ACSL3: variants seen among roughly 807,000 people sequenced by gnomAD.
ACSL3 encodes acyl-CoA synthetase long chain family member 3, also known as fatty acid CoA ligase Acsl3.
In ACSL3, 34 loss-of-function variants were observed where a neutral mutation model predicts 84.7. The ratio of observed to expected loss-of-function variants is 0.40; its 90% CI spans 0.31 to 0.53. The LOEUF is 0.53. ACSL3 is among the 20% of genes least tolerant of loss of function. The probability of loss-of-function intolerance (pLI) is 0.48; values close to 1 mark genes in which losing one functional copy is unlikely to be tolerated. For synonymous variants in ACSL3, 315 were observed against 299.4 expected, an observed-to-expected ratio of 1.05 and a Z score of -0.54; for missense variants, 680 against 873.1, an observed-to-expected ratio of 0.78 and a Z score of 2.79.
At chr2:222,868,015 T>C (rs1695200664) in intron 1 of ACSL3, among the ~76,000 whole-genome samples, 1 of 151,832 alleles carries the variant, frequency 6.6e-6, no homozygotes, top group South Asian at 2.1e-4. Context: ...TCTTAAAATA[T>C]AGAAATATCT....
chr2:222,871,084 A>G (rs1695288851), intron 1 of ACSL3, among the ~76,000 whole-genome samples: 1 of 152,156 alleles, frequency 6.6e-6, no homozygotes, highest in Non-Finnish European at 1.5e-5. Flanking sequence ...AACACGTGAG[A>G]AAGGGCAGGA....
intron 11 of ACSL3, 52 bp from the exon 12 acceptor site, chr2:222,926,965 G>GAAAATCCCATTCAGTTTT: frequency 1.3e-6 from 2 of 1,574,926 alleles, no homozygotes; most frequent in Non-Finnish European, 1.7e-6. Flanking sequence ...AAGTGATTTG[G>GAAAATCCCATTCAGTTTT]AAAATCCCAT....
At chr2:222,908,496 A>C (rs948858883) in intron 3 of ACSL3, among the ~76,000 whole-genome samples, 7 of 152,262 alleles carry the variant, frequency 4.6e-5, no homozygotes, top group East Asian at 3.9e-4. Context: ...GTGGATACTT[A>C]AGGTTTTGGT....
intron 13 of ACSL3, 64 bp from the exon 14 acceptor site, chr2:222,930,557 A>G: frequency 1.6e-5 from 21 of 1,305,012 alleles, no homozygotes; most frequent in Non-Finnish European, 2.2e-5. Flanking sequence ...TTTAGAAACT[A>G]GTAGTTTCAA....
At chr2:222,913,321 GTATGTGTATAAAACT>G (rs1696492702) in intron 4 of ACSL3, among the ~76,000 whole-genome samples, 1 of 152,124 alleles carries the variant, frequency 6.6e-6, no homozygotes, top group Non-Finnish European at 1.5e-5. Flanking sequence ...CCCTGTTTGT[GTATGTGTATAAAACT>G]TATTTTCTGA....
intron 1 of ACSL3, among the ~76,000 whole-genome samples, chr2:222,882,851 T>C (rs183515831): frequency 6.8e-6 from 1 of 146,846 alleles, no homozygotes; most frequent in Non-Finnish European, 1.5e-5. Context: ...TACTGCAAGC[T>C]CTGCCTCCTG....
chr2:222,870,506 A>G (rs562640342), intron 1 of ACSL3, among the ~76,000 whole-genome samples: 121 of 152,360 alleles, frequency 7.9e-4, no homozygotes, highest in African/African-American at 2.9e-3. Context: ...AATGAGTGCC[A>G]TGAGAGAGTG....
intron 5 of ACSL3, chr2:222,917,408 A>T (rs569095258): frequency 6.6e-6 from 1 of 152,160 alleles, no homozygotes; most frequent in Non-Finnish European, 1.5e-5. Flanking sequence ...TTTTCTTTTA[A>T]ACAAACATTC....
rs142342656 is a variant in ACSL3, at chr2:222,898,591, G to A, written c.-147-2083G>A. Among the ~76,000 whole-genome samples the A allele has an allele frequency of 5.1e-3, 782 of 152,282 alleles. 9 individuals carry two copies. The highest frequency in any genetic ancestry group is 0.018 in the African/African-American group (744 of 41,550). On this transcript the variant is annotated intron_variant, in intron 2 of 16. Transcript: ENST00000357430. ...AAGAAACATTGCACTTTGGGAGGCC[G>A]AGGCGGGCGGATCACGAGGTAGGAG...
chr2:222,864,612 G>T (rs535571312), intron 1 of ACSL3, among the ~76,000 whole-genome samples: 1 of 152,324 alleles, frequency 6.6e-6, no homozygotes, highest in South Asian at 2.1e-4. Context: ...ATGCTGATCT[G>T]CAGGTAGGGG....
Position 222,921,288 on chromosome 2 carries a change from C to T in ACSL3, c.814C>T (p.Pro272Ser). ...LGAKASMENQ[P>S]HSKPLPSDIA... ...TTTTCTCTTCAATGCAGAAAACCAACCTCATAGCAAACCATTGCCCTCAGA... is the reference window on the plus strand; with the variant it reads ...TTTTCTCTTCAATGCAGAAAACCAATCTCATAGCAAACCATTGCCCTCAGA... Residue 272 changes from proline (P) to serine (S), a missense_variant, in exon 8 of 17, where the codon CCT (proline) becomes TCT (serine). Around this residue, in one of 2 missense-constraint regions of ACSL3, gnomAD observed 333 missense variants for 347.5 expected, o/e 0.96. Transcript: ENST00000357430. 2.5e-6 allele frequency: 4 copies of T among 1,593,194 alleles called. No homozygotes were observed. The highest frequency in any genetic ancestry group is 1.7e-5 in the Admixed American group (1 of 59,688).
intron 3 of ACSL3, among the ~76,000 whole-genome samples, chr2:222,906,238 A>G (rs1696291017): frequency 2.0e-5 from 3 of 152,270 alleles, no homozygotes; most frequent in South Asian, 4.1e-4. Flanking sequence ...TCAAGAGGGT[A>G]CACTTGGGCA....
At chr2:222,899,886 C>G (rs1488053566) in intron 2 of ACSL3, among the ~76,000 whole-genome samples, 1 of 152,184 alleles carries the variant, frequency 6.6e-6, no homozygotes, top group Non-Finnish European at 1.5e-5. Flanking sequence ...AAGTCTGGAT[C>G]TGTTTTTTAA....
intron 1 of ACSL3, among the ~76,000 whole-genome samples, chr2:222,873,045 G>C (rs1191555063): frequency 6.6e-6 from 1 of 152,174 alleles, no homozygotes; most frequent in African/African-American, 2.4e-5. Flanking sequence ...AGGCTTGACT[G>C]TGCCAACTAG....
chr2:222,928,002 T>G (rs1012251867), intron 12 of ACSL3, among the ~76,000 whole-genome samples: 6 of 152,232 alleles, frequency 3.9e-5, no homozygotes, highest in African/African-American at 1.4e-4. Context: ...AGGGGATTTC[T>G]TTCTTCTGAG....
At chr2:222,893,999 A>G (rs1249357956) in intron 2 of ACSL3, among the ~76,000 whole-genome samples, 1 of 152,168 alleles carries the variant, frequency 6.6e-6, no homozygotes, top group Non-Finnish European at 1.5e-5. Context: ...CCCGGCAAGA[A>G]GCTTTCATAT....
intron 8 of ACSL3, among the ~76,000 whole-genome samples, chr2:222,921,939 C>T (rs752121227): frequency 2.6e-5 from 4 of 152,036 alleles, no homozygotes; most frequent in East Asian, 3.9e-4. Context: ...TTCTGATGAC[C>T]GATAGGGTAC....
intron 1 of ACSL3, among the ~76,000 whole-genome samples, chr2:222,876,308 T>TTTG (rs762929311): frequency 8.5e-5 from 13 of 152,132 alleles, no homozygotes; most frequent in African/African-American, 2.9e-4. Context: ...TATGGTTTTT[T>TTTG]TTGTTGTTGT....
intron 13 of ACSL3, among the ~76,000 whole-genome samples, chr2:222,929,524 G>C (rs1696967664): frequency 6.6e-6 from 1 of 152,150 alleles, no homozygotes; most frequent in Non-Finnish European, 1.5e-5. Context: ...GCTCACTCCT[G>C]TAATCCCAGC....
Sources: allele counts gnomAD v4.1 joint callset (sites outside exome capture counted in the v4.1 genomes callset), GRCh38; gene constraint gnomAD v4.1.1; regional missense constraint gnomAD v4.1.1; transcripts MANE v1.5; gene names NCBI Gene and HGNC (gene_info 2026-07-23, HGNC 2026-07-21).